Variants in NDST3 observed in about 807,000 individuals in gnomAD.
The protein encoded by NDST3 is bifunctional heparan sulfate N-deacetylase/N-sulfotransferase 3.
Under a neutral mutation model 96.1 loss-of-function variants are expected in NDST3, and 58 were observed. The observed-to-expected ratio is 0.60, with a 90% CI of 0.49 to 0.75. The LOEUF (loss-of-function observed/expected upper bound fraction) is 0.75, where lower values mean the gene tolerates loss of function less well. Among genes scored for constraint, NDST3 ranks in the 30% least tolerant of loss-of-function variants. NDST3 has a pLI of 0.00. For missense variants in NDST3, 788 were observed against 1,034.2 expected, an observed-to-expected ratio of 0.76 and a Z score of 3.27; for synonymous variants, 333 against 359.7, an observed-to-expected ratio of 0.93 and a Z score of 0.84.
At chr4:118,181,456 G>A (rs1466152588) in intron 6 of NDST3, among the ~76,000 whole-genome samples, 2 of 152,044 alleles carry the variant, frequency 1.3e-5, no homozygotes, top group African/African-American at 2.4e-5. Flanking sequence ...AAATAATGCC[G>A]ACAAGAAAGG....
intron 6 of NDST3, among the ~76,000 whole-genome samples, chr4:118,199,951 C>T (rs1467875621): frequency 1.3e-5 from 2 of 152,308 alleles, no homozygotes; most frequent in South Asian, 2.1e-4. Context: ...GACACAAGCA[C>T]CCCTGTAGCC....
At chr4:118,194,777 A>T (rs1737558115) in intron 6 of NDST3, 1 of 425,064 alleles carries the variant, frequency 2.4e-6, no homozygotes, top group African/African-American at 2.0e-5. Context: ...CCTTTCTGGG[A>T]GCTGGCACCG....
chr4:118,180,988 C>T (rs1428035530), intron 6 of NDST3, among the ~76,000 whole-genome samples: 1 of 152,072 alleles, frequency 6.6e-6, no homozygotes, highest in African/African-American at 2.4e-5. Context: ...AGGCAAAGTG[C>T]CACCTCATAG....
rs1578515335 is a variant in NDST3 at position 118,034,842 on chromosome 4, T to C, written c.-156+250T>C. 2.0e-5 allele frequency among the ~76,000 whole-genome samples: 3 copies of C among 152,326 alleles called. No individual in the cohort carries two copies. In the South Asian group the frequency reaches 6.2e-4, roughly 32 times the overall value. ...ATGGTACTAAAGAAATGACCTCTTG[T>C]AATTGTTTAAGATATTCACCAACTT... is the stretch of plus-strand genomic sequence containing the variant. On this transcript the variant is annotated intron_variant, in intron 1 of 13. Coordinates refer to ENST00000296499, the MANE Select transcript of NDST3 (RefSeq NM_004784.3).
chr4:118,151,138 C>G (rs1221957010), intron 6 of NDST3, among the ~76,000 whole-genome samples: 6 of 151,926 alleles, frequency 3.9e-5, no homozygotes, highest in Non-Finnish European at 7.4e-5. Flanking sequence ...ATCGCAAGAA[C>G]AAAAAACCAA....
At chr4:118,149,930 A>G (rs1239248975) in intron 6 of NDST3, among the ~76,000 whole-genome samples, 9 of 150,658 alleles carry the variant, frequency 6.0e-5, no homozygotes, top group East Asian at 3.9e-4. Flanking sequence ...GATATGTCCC[A>G]TCAATACCTA....
intron 4 of NDST3, among the ~76,000 whole-genome samples, chr4:118,118,123 T>C (rs1731269852): frequency 1.3e-5 from 2 of 152,254 alleles, no homozygotes; most frequent in Non-Finnish European, 2.9e-5. Context: ...GAGAAAATTC[T>C]ACTTCAACTC....
At chr4:118,238,090 T>G (rs1172861277) in intron 10 of NDST3, among the ~76,000 whole-genome samples, 2 of 145,304 alleles carry the variant, frequency 1.4e-5, no homozygotes, top group African/African-American at 5.2e-5. Flanking sequence ...GATTGCAGCA[T>G]GTACTGTGCA....
At chr4:118,046,763 G>A (rs571477684) in intron 1 of NDST3, among the ~76,000 whole-genome samples, 6 of 152,302 alleles carry the variant, frequency 3.9e-5, no homozygotes, top group African/African-American at 1.4e-4. Context: ...TGGCACTCAA[G>A]TGGGAGAGGA....
intron 1 of NDST3, among the ~76,000 whole-genome samples, chr4:118,041,153 A>G (rs572070159): frequency 6.6e-6 from 1 of 152,036 alleles, no homozygotes; most frequent in African/African-American, 2.4e-5. Context: ...CCCAATATGC[A>G]TTTCCTACTT....
chr4:118,157,231 A>G (rs952879486), intron 6 of NDST3, among the ~76,000 whole-genome samples: 3 of 152,124 alleles, frequency 2.0e-5, no homozygotes, highest in African/African-American at 7.2e-5. Flanking sequence ...TACTTGTACG[A>G]AAAGAAATAC....
intron 8 of NDST3, among the ~76,000 whole-genome samples, chr4:118,228,741 T>A (rs908921386): frequency 6.6e-6 from 1 of 151,626 alleles, no homozygotes; most frequent in Non-Finnish European, 1.5e-5. Flanking sequence ...TTGCAGTCTA[T>A]CCCCCCCGAT....
chr4:118,193,685 A>C, intron 6 of NDST3: 1 of 1,325,590 alleles, frequency 7.5e-7, no homozygotes, highest in Non-Finnish European at 1.1e-6. Flanking sequence ...AAAGTCATTC[A>C]CAGCCAGGTG....
chr4:118,074,433 T>C (rs559740830), intron 2 of NDST3, among the ~76,000 whole-genome samples: 1 of 152,334 alleles, frequency 6.6e-6, no homozygotes, highest in South Asian at 2.1e-4. Flanking sequence ...TGCTCTACTG[T>C]TAGATGCAAA....
At chr4:118,219,595 C>G (rs543924338) in intron 6 of NDST3, among the ~76,000 whole-genome samples, 65 of 152,184 alleles carry the variant, frequency 4.3e-4, no homozygotes, top group Admixed American at 2.0e-3. Flanking sequence ...AGAAGAAAAC[C>G]TAGGCAATAC....
At chr4:118,166,260 G>C (rs761254781) in intron 6 of NDST3, among the ~76,000 whole-genome samples, 21 of 151,746 alleles carry the variant, frequency 1.4e-4, no homozygotes, top group Non-Finnish European at 2.5e-4. Flanking sequence ...GATCATAATA[G>C]TCTATAATGT....
At chr4:118,055,037 A>G (rs753718807) in intron 2 of NDST3, 146 bp downstream of exon 2, 1 of 926,170 alleles carries the variant, frequency 1.1e-6, no homozygotes, top group Non-Finnish European at 1.7e-6. Context: ...CTCACCCTAA[A>G]TCAACTAAGA....
At chr4:118,235,885 A>G (rs911073737) in intron 9 of NDST3, among the ~76,000 whole-genome samples, 1 of 152,194 alleles carries the variant, frequency 6.6e-6, no homozygotes, top group Non-Finnish European at 1.5e-5. Context: ...TCTGAATCTC[A>G]AGATATCACT....
At chr4:118,142,363 T>C (rs2125904516) in intron 5 of NDST3, among the ~76,000 whole-genome samples, 1 of 152,014 alleles carries the variant, frequency 6.6e-6, no homozygotes, top group East Asian at 1.9e-4. Flanking sequence ...GATTATACAA[T>C]AGGTTGTATT....
Sources: allele counts gnomAD v4.1 joint callset (sites outside exome capture counted in the v4.1 genomes callset), GRCh38; gene constraint gnomAD v4.1.1; transcripts MANE v1.5; gene names NCBI Gene and HGNC (gene_info 2026-07-23, HGNC 2026-07-21).